The following RORA variants were observed in gnomAD, a reference collection of about 807,000 sequenced individuals.
RORA encodes nuclear receptor ROR-alpha.
RORA carries 7 observed loss-of-function variants against 69.5 expected under a neutral mutation model. That is an observed-to-expected ratio of 0.10 (90% CI 0.06 to 0.19). The LOEUF is 0.19. Ranked by LOEUF, RORA falls within the 10% of genes least tolerant of loss-of-function variation. The pLI is 1.00. For synonymous variants in RORA, 261 were observed against 240.8 expected, an observed-to-expected ratio of 1.08 and a Z score of -0.78; for missense variants, 457 against 663.0, an observed-to-expected ratio of 0.69 and a Z score of 3.41.
At chr15:60,991,304 C>T (rs1195312662) in intron 1 of RORA, among the ~76,000 whole-genome samples, 1 of 151,860 alleles carries the variant, frequency 6.6e-6, no homozygotes, top group Non-Finnish European at 1.5e-5. Context: ...AATGAAATAC[C>T]GCAGACAGAA....
chr15:61,068,735 A>G (rs1038032929), intron 1 of RORA, among the ~76,000 whole-genome samples: 1 of 152,248 alleles, frequency 6.6e-6, no homozygotes, highest in Non-Finnish European at 1.5e-5. Context: ...TCACCCATGT[A>G]TAAGCTTTAG....
chr15:61,094,395 A>T (rs1007744861), intron 1 of RORA, among the ~76,000 whole-genome samples: 4 of 152,184 alleles, frequency 2.6e-5, no homozygotes, highest in Non-Finnish European at 5.9e-5. Flanking sequence ...GATCTAATCA[A>T]GCAGATCCAG....
chr15:61,013,945 G>A (rs1895186954), intron 1 of RORA, among the ~76,000 whole-genome samples: 1 of 151,930 alleles, frequency 6.6e-6, no homozygotes, highest in South Asian at 2.1e-4. Flanking sequence ...CACCACGCCA[G>A]GCTAATTTTT....
At chr15:60,865,141 G>C (rs2140429147) in intron 1 of RORA, among the ~76,000 whole-genome samples, 1 of 152,344 alleles carries the variant, frequency 6.6e-6, no homozygotes, top group South Asian at 2.1e-4. Flanking sequence ...GGATGAGGTA[G>C]AAAGAGAAAG....
chr15:60,592,169 C>A (rs1229454377), intron 2 of RORA, among the ~76,000 whole-genome samples: 3 of 151,964 alleles, frequency 2.0e-5, no homozygotes, highest in African/African-American at 7.2e-5. Flanking sequence ...GGATCCACCC[C>A]GTGCGCCTTT....
At chr15:60,989,616 T>A (rs1221476543) in intron 1 of RORA, among the ~76,000 whole-genome samples, 3 of 152,232 alleles carry the variant, frequency 2.0e-5, no homozygotes, top group Admixed American at 1.3e-4. Context: ...ATGGGGAAAC[T>A]GAGGCAGGAA....
At position 60,652,143 on chromosome 15, in the gene RORA, G is replaced by C. The variant is rs1168991927; in HGVS notation, c.196+26514C>G. On this transcript the variant is annotated intron_variant, in intron 2 of 10. Transcript: ENST00000335670. ...TTTTTTCCTCTAGAGTGAAAGGTTG[G>C]GTGACATATGGAAAGAACAAGAGAC... Among the ~76,000 whole-genome samples the C allele has an allele frequency of 2.0e-5, 3 of 151,944 alleles. No individual in the cohort carries two copies. In the East Asian group the frequency reaches 5.8e-4, roughly 29 times the overall value.
At position 60,534,673 on chromosome 15, in the gene RORA, C is replaced by G. The variant is rs2066625134; in HGVS notation, c.197-2822G>C. ...AACTATTCTCCTAGGCTTCCTCCTG[C>G]TTGGTTCTCTTATCTCAGATGACAA... On this transcript the variant is annotated intron_variant, in intron 2 of 10. Transcript: ENST00000335670. The surrounding 1 kb of genome is among the most constrained non-coding windows in gnomAD (Gnocchi z 5.0). Among the ~76,000 whole-genome samples the G allele has an allele frequency of 6.6e-6, 1 of 152,066 alleles. No homozygotes were observed. Among genetic ancestry groups the G allele is most frequent in the South Asian group, 2.1e-4 (1 of 4,816 alleles).
At chr15:60,853,314 G>C (rs891928115) in intron 1 of RORA, among the ~76,000 whole-genome samples, 2 of 152,160 alleles carry the variant, frequency 1.3e-5, no homozygotes, top group Non-Finnish European at 2.9e-5. Flanking sequence ...GCTTTCATAA[G>C]GTCTCAAAAT....
At chr15:61,000,046 A>G (rs1402198131) in intron 1 of RORA, among the ~76,000 whole-genome samples, 6 of 152,202 alleles carry the variant, frequency 3.9e-5, no homozygotes, top group Non-Finnish European at 7.3e-5. Context: ...TCAGATCAAC[A>G]GCTGGAAAAG....
chr15:60,838,628 C>A (rs930696891), intron 1 of RORA, among the ~76,000 whole-genome samples: 2 of 152,316 alleles, frequency 1.3e-5, no homozygotes, highest in Admixed American at 6.5e-5. Flanking sequence ...TCACACCAGA[C>A]GTAATGGCGT....
chr15:61,003,937 GTC>G lies in RORA; in HGVS notation c.166+225114_166+225115del, dbSNP rs1203215485. Among the ~76,000 whole-genome samples, 3 of 151,928 alleles carry G rather than the reference GTC, an allele frequency of 2.0e-5. No homozygotes were observed. In the East Asian group the frequency reaches 5.8e-4, roughly 29 times the overall value. On this transcript the variant is annotated intron_variant, in intron 1 of 10. Coordinates refer to ENST00000335670, the MANE Select transcript of RORA (RefSeq NM_134261.3). ...GCCTTGGATACACCGCTGTTTCCCT[GTC>G]TCTCTCTCACATGGTCTTTCTCTCT...
At chr15:61,194,387 G>A (rs1270801946) in intron 1 of RORA, among the ~76,000 whole-genome samples, 1 of 151,900 alleles carries the variant, frequency 6.6e-6, no homozygotes, top group Non-Finnish European at 1.5e-5. Flanking sequence ...TTGAAACCCT[G>A]TCTCTACTAA....
intron 1 of RORA, among the ~76,000 whole-genome samples, chr15:60,885,764 A>G (rs185925511): frequency 2.4e-4 from 37 of 152,366 alleles, no homozygotes; most frequent in African/African-American, 8.2e-4. Context: ...TCTGCAGTAT[A>G]TAACTTTGGC....
intron 1 of RORA, among the ~76,000 whole-genome samples, chr15:61,006,702 A>G (rs1365662093): frequency 6.6e-6 from 1 of 152,174 alleles, no homozygotes; most frequent in African/African-American, 2.4e-5. Flanking sequence ...TTCTCAGGAA[A>G]GACCATGAAC....
At chr15:60,649,708 C>A (rs8040768) in intron 2 of RORA, among the ~76,000 whole-genome samples, 1 of 152,040 alleles carries the variant, frequency 6.6e-6, no homozygotes. Context: ...TGTTCTTGGG[C>A]GTGTTTAATT....
At chr15:60,972,132 T>C (rs2414690) in intron 1 of RORA, among the ~76,000 whole-genome samples, 151,292 of 152,344 alleles carry the variant, frequency 0.99, 75,137 homozygotes, top group Middle Eastern at 1. Context: ...TTGTAAGCCA[T>C]TGGAGTAGTG....
chr15:60,969,105 T>C (rs1893638505), intron 1 of RORA, among the ~76,000 whole-genome samples: 3 of 152,220 alleles, frequency 2.0e-5, no homozygotes, highest in Admixed American at 2.0e-4. Context: ...CTGTACCCTA[T>C]GAAGTGGCCC....
At chr15:60,939,571 G>T (rs1566917180) in intron 1 of RORA, among the ~76,000 whole-genome samples, 1 of 152,146 alleles carries the variant, frequency 6.6e-6, no homozygotes, top group Non-Finnish European at 1.5e-5. Flanking sequence ...TATGCCTTTC[G>T]CCAGAGGGAG....
Sources: gnomAD v4.1 joint callset for allele counts (sites outside exome capture counted in the v4.1 genomes callset) on GRCh38, gnomAD v4.1.1 for gene constraint, Gnocchi (gnomAD v3.1) non-coding constraint, MANE v1.5 for transcripts, NCBI Gene and HGNC (gene_info 2026-07-23, HGNC 2026-07-21) for gene names.